ALDH1A2: variants seen among roughly 807,000 people sequenced by gnomAD.
ALDH1A2 encodes aldehyde dehydrogenase 1 family member A2.
In ALDH1A2, 27 loss-of-function variants were observed where a neutral mutation model predicts 60.3. The ratio of observed to expected loss-of-function variants is 0.45; its 90% CI spans 0.33 to 0.62. The LOEUF (loss-of-function observed/expected upper bound fraction) is 0.62. Ranked by LOEUF, ALDH1A2 falls within the 20% of genes least tolerant of loss-of-function variation. The pLI is 0.02. For synonymous variants in ALDH1A2, 289 were observed against 232.4 expected (o/e 1.24, Z -2.21); for missense variants, 581 against 643.8 (o/e 0.90, Z 1.06).
At position 58,033,717 on chromosome 15, in the gene ALDH1A2, T is replaced by G. The variant is rs193235918; in HGVS notation, c.118-19436A>C. 2.0e-5 allele frequency among the ~76,000 whole-genome samples: 3 copies of G among 151,612 alleles called. No homozygotes were observed. The East Asian group carries it at 5.8e-4, about 29-fold the overall frequency. The stretch of plus-strand genomic sequence containing the variant: ...TTTTTTTTACATGTGAATATCTAGT[T>G]TTTCCAGCATGATTTGTTGAAAAGA... On this transcript the variant is annotated intron_variant, in intron 1 of 12. Coordinates refer to ENST00000249750, the MANE Select transcript of ALDH1A2 (RefSeq NM_003888.4).
chr15:58,049,435 C>A lies in ALDH1A2; in HGVS notation c.117+16099G>T, dbSNP rs575026321. 2.0e-5 allele frequency among the ~76,000 whole-genome samples: 3 copies of A among 152,178 alleles called. No individual in the cohort carries two copies. In the South Asian group the frequency reaches 6.2e-4, roughly 32 times the overall value. ...AATAAGATATTGGATTACTGAAAAG[C>A]CTAACATAGTATGCACTGAGACTTT... On this transcript the variant is annotated intron_variant, in intron 1 of 12. Coordinates refer to ENST00000249750, the MANE Select transcript of ALDH1A2 (RefSeq NM_003888.4).
intron 4 of ALDH1A2, among the ~76,000 whole-genome samples, chr15:58,006,531 C>G (rs921208729): frequency 6.6e-6 from 1 of 151,830 alleles, no homozygotes; most frequent in South Asian, 2.1e-4. Flanking sequence ...TAGGTACACC[C>G]ATTAGTGGGA....
At chr15:57,958,205 T>TACAC (rs748682983) in intron 12 of ALDH1A2, among the ~76,000 whole-genome samples, 5 of 82,786 alleles carry the variant, frequency 6.0e-5, no homozygotes, top group Non-Finnish European at 1.5e-4. Context: ...TGCATGCGTG[T>TACAC]ACACGCACGC....
chr15:57,998,673 G>T (rs1895149080), intron 4 of ALDH1A2, among the ~76,000 whole-genome samples: 1 of 151,998 alleles, frequency 6.6e-6, no homozygotes, highest in African/African-American at 2.4e-5. Context: ...AACTACCACT[G>T]ACATTCTTCA....
intron 1 of ALDH1A2, among the ~76,000 whole-genome samples, chr15:58,050,552 G>T (rs1459626058): frequency 2.0e-5 from 3 of 152,084 alleles, no homozygotes; most frequent in Non-Finnish European, 1.5e-5. Context: ...CATGGATGTT[G>T]TATGTGTTCC....
intron 7 of ALDH1A2, among the ~76,000 whole-genome samples, chr15:57,975,942 A>G (rs1344098697): frequency 6.6e-6 from 1 of 152,212 alleles, no homozygotes; most frequent in Non-Finnish European, 1.5e-5. Context: ...ACACATGGCC[A>G]AGACTTATCA....
intron 4 of ALDH1A2, among the ~76,000 whole-genome samples, chr15:58,004,421 C>A (rs1225662587): frequency 6.6e-6 from 1 of 151,714 alleles, no homozygotes; most frequent in Non-Finnish European, 1.5e-5. Context: ...GCGCCCATCA[C>A]CAGAATAGTC....
intron 1 of ALDH1A2, among the ~76,000 whole-genome samples, chr15:58,022,870 T>A (rs1168332651): frequency 1.3e-5 from 2 of 152,064 alleles, no homozygotes; most frequent in Non-Finnish European, 2.9e-5. Flanking sequence ...TCCTCCCCTA[T>A]GAAAGTAAAT....
rs962114391 is a variant in ALDH1A2, at chr15:58,058,135, C to T, written c.117+7399G>A. 9 of 1,426,622 alleles carry T rather than the reference C, an allele frequency of 6.3e-6. No individual in the cohort carries two copies. In the African/African-American group the frequency reaches 1.1e-4, roughly 18 times the overall value. 88.4% of individuals were successfully genotyped at this position (1,426,622 alleles called of 1,614,324 possible). A position where few individuals can be genotyped will look rare whatever the true frequency, so the allele number is the denominator to read the frequency against. On this transcript the variant is annotated intron_variant, in intron 1 of 12. Transcript: ENST00000249750. ...TAGAGAAATAAGACTTTCAGTTGTT[C>T]TCCATAAATTCATACAGGCATTTCA... is the stretch of plus-strand genomic sequence containing the variant.
At chr15:58,035,809 G>C (rs1484324190) in intron 1 of ALDH1A2, among the ~76,000 whole-genome samples, 1 of 151,634 alleles carries the variant, frequency 6.6e-6, no homozygotes, top group Admixed American at 6.6e-5. Context: ...GTTAAAGTGT[G>C]ATTTATACCC....
chr15:57,992,674 T>C, intron 7 of ALDH1A2, 31 bp downstream of exon 7: 4 of 1,596,694 alleles, frequency 2.5e-6, no homozygotes, highest in South Asian at 2.2e-5. Context: ...TGCAAGACTG[T>C]TCCTCAAGCC....
rs1268541367 is a variant in ALDH1A2 at position 57,954,790 on chromosome 15, G to A, written c.*407C>T. The A allele has an allele frequency of 8.2e-6, 2 of 244,242 alleles. No individual in the cohort carries two copies. Among genetic ancestry groups the A allele is most frequent in the Non-Finnish European group, 8.2e-6 (1 of 122,156 alleles). 15.1% of individuals were successfully genotyped at this position (244,242 alleles called of 1,614,324 possible). A position where few individuals can be genotyped will look rare whatever the true frequency, so the allele number is the denominator to read the frequency against. On this transcript the variant is annotated 3_prime_UTR_variant, in exon 13 of 13. Coordinates refer to ENST00000249750, the MANE Select transcript of ALDH1A2 (RefSeq NM_003888.4). ...ACATCTCCTTGGAAGAGAGGGAGGG[G>A]TGGGTGAGCGAGGAGGGCCTGGAAG...
intron 1 of ALDH1A2, among the ~76,000 whole-genome samples, chr15:58,027,038 G>T (rs117823281): frequency 1.3e-5 from 2 of 152,046 alleles, no homozygotes; most frequent in Non-Finnish European, 2.9e-5. Flanking sequence ...TTCCCAGCAC[G>T]GTGTTTGAGC....
chr15:57,968,606 A>G (rs1395517241), intron 7 of ALDH1A2, among the ~76,000 whole-genome samples: 1 of 152,256 alleles, frequency 6.6e-6, no homozygotes, highest in Non-Finnish European at 1.5e-5. Context: ...CTAGACAAAA[A>G]TAATGTTCAT....
At chr15:58,000,105 G>A (rs894544368) in intron 4 of ALDH1A2, among the ~76,000 whole-genome samples, 1 of 151,920 alleles carries the variant, frequency 6.6e-6, no homozygotes, top group African/African-American at 2.4e-5. Context: ...AATGCATGCT[G>A]GGCTTAATAC....
chr15:57,962,525 G>A (rs1596065702), intron 9 of ALDH1A2, among the ~76,000 whole-genome samples: 2 of 152,158 alleles, frequency 1.3e-5, no homozygotes, highest in Non-Finnish European at 1.5e-5. Context: ...AATTAAATGA[G>A]TAACTTAGCA....
chr15:57,984,082 T>C (rs1223051687), intron 7 of ALDH1A2, among the ~76,000 whole-genome samples: 13 of 152,194 alleles, frequency 8.5e-5, no homozygotes, highest in Non-Finnish European at 1.8e-4. Context: ...CTCTCCCCTA[T>C]GGGAGGGTGT....
At chr15:57,955,474 T>A (rs1415818740) in intron 12 of ALDH1A2, among the ~76,000 whole-genome samples, 3 of 148,204 alleles carry the variant, frequency 2.0e-5, no homozygotes, top group Admixed American at 1.4e-4. Context: ...TTTAAAGAAG[T>A]TTTTTTAAAA....
chr15:58,002,202 C>A (rs1215738376), intron 4 of ALDH1A2, among the ~76,000 whole-genome samples: 8 of 151,778 alleles, frequency 5.3e-5, no homozygotes, highest in Admixed American at 2.0e-4. Context: ...TTTGGCTGAG[C>A]TGTGAATTAA....
Sources: allele counts gnomAD v4.1 joint callset (sites outside exome capture counted in the v4.1 genomes callset), GRCh38; gene constraint gnomAD v4.1.1; transcripts MANE v1.5; gene names NCBI Gene and HGNC (gene_info 2026-07-23, HGNC 2026-07-21).